Variants in PDE1C observed in about 807,000 individuals in gnomAD.
The protein encoded by PDE1C is phosphodiesterase 1C.
Under a neutral mutation model 93.1 loss-of-function variants are expected in PDE1C, and 62 were observed. That is an observed-to-expected ratio of 0.67 (90% CI 0.54 to 0.82). The LOEUF (loss-of-function observed/expected upper bound fraction) is 0.82, where lower values mean the gene tolerates loss of function less well. Ranked by LOEUF, PDE1C falls within the 40% of genes least tolerant of loss-of-function variation. The pLI is 0.00. For synonymous variants in PDE1C, 325 were observed against 310.1 expected (o/e 1.05, Z -0.50); for missense variants, 742 against 884.6 (o/e 0.84, Z 2.04).
intron 2 of PDE1C, among the ~76,000 whole-genome samples, chr7:32,039,454 C>T (rs139042043): frequency 4.1e-4 from 62 of 152,310 alleles, no homozygotes; most frequent in Admixed American, 7.8e-4. Flanking sequence ...TGGTGGAACA[C>T]ATCTGAAAGA....
intron 2 of PDE1C, among the ~76,000 whole-genome samples, chr7:31,936,516 A>C (rs1420265125): frequency 6.6e-6 from 1 of 152,146 alleles, no homozygotes. Context: ...ATGAGCAAGC[A>C]TGCGAGCAGG....
At chr7:32,392,272 A>C (rs1012486852) in intron 1 of PDE1C, among the ~76,000 whole-genome samples, 1 of 152,194 alleles carries the variant, frequency 6.6e-6, no homozygotes, top group African/African-American at 2.4e-5. Flanking sequence ...GACTAAACCT[A>C]TAAGTAATAA....
At chr7:31,907,261 G>A (rs976953575) in intron 2 of PDE1C, among the ~76,000 whole-genome samples, 1 of 152,072 alleles carries the variant, frequency 6.6e-6, no homozygotes, top group Non-Finnish European at 1.5e-5. Context: ...TCCTGTGCAT[G>A]ATTTCCTCCT....
At position 32,375,363 on chromosome 7, in the gene PDE1C, A is replaced by C. The variant is rs185108956; in HGVS notation, c.310+52459T>G. Among the ~76,000 whole-genome samples, 214 of 152,298 alleles carry C rather than the reference A, an allele frequency of 1.4e-3. 2 individuals carry two copies. The highest frequency in any genetic ancestry group is 5.0e-3 in the African/African-American group (209 of 41,578). ...ACAGGGAGAAGGGATTAACGCCGGGAGTGCAAACAGAAGACAACCAGCAAG... is the reference window on the plus strand; with the variant it reads ...ACAGGGAGAAGGGATTAACGCCGGGCGTGCAAACAGAAGACAACCAGCAAG... On this transcript the variant is annotated intron_variant, in intron 1 of 1. Transcript: ENST00000672256.
chr7:31,744,540 A>G, the PDE1C span, among the ~76,000 whole-genome samples: 2 of 152,074 alleles, frequency 1.3e-5, no homozygotes, highest in Non-Finnish European at 2.9e-5. Flanking sequence ...GAGTACATCA[A>G]ATTAAATAAA....
chr7:32,041,935 T>C (rs1309367880), intron 2 of PDE1C, among the ~76,000 whole-genome samples: 2 of 152,186 alleles, frequency 1.3e-5, no homozygotes, highest in Non-Finnish European at 2.9e-5. Flanking sequence ...CTTTTTGACG[T>C]TGATTTATTC....
intron 2 of PDE1C, among the ~76,000 whole-genome samples, chr7:32,184,891 C>A (rs1292482873): frequency 6.6e-6 from 1 of 152,090 alleles, no homozygotes. Flanking sequence ...GTGGGTGGAT[C>A]ACCTGAGGTC....
chr7:32,068,640 C>T (rs1267842942), intron 1 of PDE1C, among the ~76,000 whole-genome samples: 2 of 152,200 alleles, frequency 1.3e-5, no homozygotes, highest in African/African-American at 4.8e-5. Context: ...GAAAGCTACA[C>T]GACGCAGTGT....
chr7:32,295,735 C>CA (rs943774164), intron 1 of PDE1C, among the ~76,000 whole-genome samples: 7 of 150,766 alleles, frequency 4.6e-5, no homozygotes, highest in African/African-American at 7.3e-5. Context: ...ACTAAAAATA[C>CA]AAAAAAAAAT....
In PDE1C at chr7:32,143,862, A is replaced by T. The variant is rs529467428; in HGVS notation, c.308+25923T>A. On this transcript the variant is annotated intron_variant, in intron 3 of 18. Transcript: ENST00000396193. ...GTGTCCCTTACGTAAAGAGCCAGAA[A>T]TTCTAACGCACATGTAGCTAACTGT... Among the ~76,000 whole-genome samples the T allele has an allele frequency of 3.3e-5, 5 of 152,312 alleles. No homozygotes were observed. The South Asian group carries it at 8.3e-4, about 25-fold the overall frequency.
intron 2 of PDE1C, among the ~76,000 whole-genome samples, chr7:32,004,329 A>C (rs536043289): frequency 6.6e-6 from 1 of 152,186 alleles, no homozygotes; most frequent in East Asian, 1.9e-4. Context: ...CACTTCTCTA[A>C]ATTTTACCTG....
chr7:31,747,387 T>C (rs1443688452), downstream of PDE1C, among the ~76,000 whole-genome samples: 1 of 152,180 alleles, frequency 6.6e-6, no homozygotes, highest in African/African-American at 2.4e-5. Flanking sequence ...TATATTAGCA[T>C]ATATTAAAGT....
At chr7:32,408,093 G>C (rs138874940) in intron 1 of PDE1C, among the ~76,000 whole-genome samples, 1,987 of 152,224 alleles carry the variant, frequency 0.013, 27 homozygotes, top group Middle Eastern at 0.024. Flanking sequence ...GAATGTTCAG[G>C]GTTAAGAAAG....
At chr7:32,194,646 G>A (rs1804485778) in intron 2 of PDE1C, among the ~76,000 whole-genome samples, 1 of 152,140 alleles carries the variant, frequency 6.6e-6, no homozygotes, top group Admixed American at 6.5e-5. Flanking sequence ...TGCATGAGCT[G>A]TCAACCTGTC....
At position 32,166,251 on chromosome 7, in the gene PDE1C, C is replaced by T. The variant is rs756903766; in HGVS notation, c.308+3534G>A. On this transcript the variant is annotated intron_variant, in intron 3 of 18. Coordinates refer to the PDE1C transcript ENST00000396193. ...GGTTTGAAGAAATGAAGTAATTCGCCGGGGGCAATAGAGTTGGAACTGAAA... is the reference window on the plus strand; with the variant it reads ...GGTTTGAAGAAATGAAGTAATTCGCTGGGGGCAATAGAGTTGGAACTGAAA... Among the ~76,000 whole-genome samples the T allele has an allele frequency of 5.9e-5, 9 of 151,970 alleles. No homozygotes were observed. In the South Asian group the frequency reaches 1.2e-3, roughly 21 times the overall value.
intron 1 of PDE1C, among the ~76,000 whole-genome samples, chr7:32,260,867 T>A (rs1480663638): frequency 6.6e-6 from 1 of 152,208 alleles, no homozygotes; most frequent in Non-Finnish European, 1.5e-5. Flanking sequence ...ATGCCTGTAA[T>A]CCCAGCACTT....
At chr7:32,092,318 A>G (rs573362459) in intron 3 of PDE1C, among the ~76,000 whole-genome samples, 76 of 152,296 alleles carry the variant, frequency 5.0e-4, no homozygotes, top group Non-Finnish European at 9.0e-4. Context: ...CGGAGGCTGC[A>G]TAATCTTCTC....
intron 1 of PDE1C, among the ~76,000 whole-genome samples, chr7:32,403,518 A>G (rs948741600): frequency 1.3e-5 from 2 of 152,210 alleles, no homozygotes; most frequent in Admixed American, 6.5e-5. Context: ...CATGTCATCA[A>G]TGTAAACTAG....
rs887056910 is a variant in PDE1C at position 31,828,810 on chromosome 7, C to T, written c.1204-437G>A. Among the ~76,000 whole-genome samples, 11 of 152,154 alleles carry T rather than the reference C, an allele frequency of 7.2e-5. No individual in the cohort carries two copies. The East Asian group carries it at 1.5e-3, about 21-fold the overall frequency. ...AAAATTCAAACTGGACTGATTCAGA[C>T]TGATTCTTCTAGTGCTACCTAAAGC... On this transcript the variant is annotated intron_variant, in intron 11 of 17. Transcript: ENST00000396191.
Sources: gnomAD v4.1 joint callset for allele counts (sites outside exome capture counted in the v4.1 genomes callset) on GRCh38, gnomAD v4.1.1 for gene constraint, MANE v1.5 for transcripts, NCBI Gene and HGNC (gene_info 2026-07-23, HGNC 2026-07-21) for gene names.